Variants in FOLH1 observed in about 807,000 individuals in gnomAD.
The protein encoded by FOLH1 is folate hydrolase 1, also known as glutamate carboxypeptidase 2.
A neutral mutation model predicts 93.9 loss-of-function variants in FOLH1; 54 were observed. The observed-to-expected ratio is 0.57, with a 90% CI of 0.46 to 0.72. The LOEUF is 0.72. Among genes scored for constraint, FOLH1 ranks in the 30% least tolerant of loss-of-function variants. The pLI is 0.00. For synonymous variants in FOLH1, 249 were observed against 303.6 expected (o/e 0.82, Z 1.87); for missense variants, 571 against 892.5 (o/e 0.64, Z 4.59).
chr11:49,205,846 G>T (rs1216165581), intron 2 of FOLH1, among the ~76,000 whole-genome samples: 1 of 152,202 alleles, frequency 6.6e-6, no homozygotes, highest in African/African-American at 2.4e-5. Flanking sequence ...ACAAAGGCTG[G>T]TCCTTGTACA....
At chr11:49,152,802 A>G (rs933492403) in intron 17 of FOLH1, among the ~76,000 whole-genome samples, 36 of 152,178 alleles carry the variant, frequency 2.4e-4, no homozygotes, top group African/African-American at 8.4e-4. Flanking sequence ...TCATTTCCCC[A>G]TTGCTTCTAA....
chr11:49,156,631 T>C, intron 15 of FOLH1, 86 bp downstream of exon 15: 2 of 1,370,490 alleles, frequency 1.5e-6, no homozygotes, highest in Non-Finnish European at 2.1e-6. Context: ...ATTCCTCTAA[T>C]GCTTGAGTCA....
intron 1 of FOLH1, 129 bp from the exon 2 acceptor site, chr11:49,206,301 T>G (rs1306781866): frequency 2.1e-6 from 3 of 1,396,184 alleles, no homozygotes; most frequent in Non-Finnish European, 2.9e-6. Context: ...GGTGAGATAT[T>G]TCTGAATTTT....
At chr11:49,174,576 A>AT (rs200800314) in intron 9 of FOLH1, among the ~76,000 whole-genome samples, 1 of 151,764 alleles carries the variant, frequency 6.6e-6, no homozygotes, top group African/African-American at 2.4e-5. Context: ...GTAAAAAAAA[A>AT]TTCAGAAAAC....
intron 18 of FOLH1, 58 bp from the exon 19 acceptor site, chr11:49,147,003 C>G: frequency 6.4e-7 from 1 of 1,550,444 alleles, no homozygotes; most frequent in Non-Finnish European, 8.7e-7. Context: ...AAGAGAAACA[C>G]AAGAGCACTC....
chr11:49,196,934 G>C (rs1442889363), intron 3 of FOLH1, among the ~76,000 whole-genome samples: 1 of 152,070 alleles, frequency 6.6e-6, no homozygotes, highest in African/African-American at 2.4e-5. Context: ...AGGGGATCTG[G>C]GCAGATTTTA....
intron 17 of FOLH1, among the ~76,000 whole-genome samples, chr11:49,149,426 C>G (rs1353062390): frequency 6.6e-6 from 1 of 151,954 alleles, no homozygotes; most frequent in Non-Finnish European, 1.5e-5. Flanking sequence ...GTTAGCTGCC[C>G]CCAGTATAAC....
chr11:49,186,538 A>G (rs1437373904), intron 5 of FOLH1, 106 bp downstream of exon 5: 2 of 1,307,068 alleles, frequency 1.5e-6, no homozygotes, highest in Non-Finnish European at 2.1e-6. Context: ...GAATACAAGA[A>G]AATAATGGTA....
chr11:49,158,154 G>T, intron 13 of FOLH1, 111 bp from the exon 14 acceptor site: 2 of 865,746 alleles, frequency 2.3e-6, no homozygotes, highest in Non-Finnish European at 3.4e-6. Flanking sequence ...AAAAACAAGG[G>T]ATGCTATCCA....
rs901912481 is a variant in FOLH1, at chr11:49,145,251, G to T, written c.*1505C>A. On this transcript the variant is annotated 3_prime_UTR_variant, in exon 19 of 19. Transcript: ENST00000256999. ...TGATGTTAAACTTTGTGAGTAGAAG[G>T]CATTGGAGAGATGTTCCAAGAGGGT... 7.9e-5 allele frequency among the ~76,000 whole-genome samples: 12 copies of T among 152,064 alleles called. No homozygotes were observed. The highest frequency in any genetic ancestry group is 2.4e-4 in the African/African-American group (10 of 41,404).
chr11:49,174,815 T>C (rs1859802502), intron 9 of FOLH1, 77 bp downstream of exon 9: 1 of 1,196,308 alleles, frequency 8.4e-7, no homozygotes, highest in Non-Finnish European at 1.2e-6. Flanking sequence ...TGATTCACTT[T>C]GCACTCCCAG....
intron 7 of FOLH1, among the ~76,000 whole-genome samples, chr11:49,180,485 T>G (rs1860590597): frequency 6.6e-6 from 1 of 152,230 alleles, no homozygotes; most frequent in South Asian, 2.1e-4. Flanking sequence ...TTATTTAAGT[T>G]CTCAGCATTC....
chr11:49,147,446 GT>G (rs35148842), intron 18 of FOLH1, among the ~76,000 whole-genome samples: 134,024 of 150,766 alleles, frequency 0.89, 59,563 homozygotes, highest in South Asian at 0.95. Flanking sequence ...CTCTATTGTG[GT>G]TTTTTTTTTG....
At chr11:49,174,079 T>C (rs2135099001) in intron 9 of FOLH1, among the ~76,000 whole-genome samples, 1 of 152,298 alleles carries the variant, frequency 6.6e-6, no homozygotes, top group South Asian at 2.1e-4. Flanking sequence ...GTCAGTTGTT[T>C]GTCTTGGGTC....
intron 13 of FOLH1, among the ~76,000 whole-genome samples, chr11:49,158,307 T>A (rs1185405874): frequency 6.6e-6 from 1 of 152,166 alleles, no homozygotes; most frequent in Non-Finnish European, 1.5e-5. Flanking sequence ...ACCAAGCCAT[T>A]GTCTTTAGAT....
chr11:49,198,507 A>G (rs1862907018), intron 3 of FOLH1, among the ~76,000 whole-genome samples: 1 of 151,894 alleles, frequency 6.6e-6, no homozygotes, highest in Non-Finnish European at 1.5e-5. Context: ...AAAAACTAAA[A>G]TATATTATAT....
intron 14 of FOLH1, 118 bp downstream of exon 14, chr11:49,157,834 A>G (rs1857187373): frequency 2.2e-6 from 2 of 916,128 alleles, no homozygotes; most frequent in African/African-American, 3.4e-5. Context: ...GCTTTTCTTT[A>G]TCAGATTTTA....
intron 1 of FOLH1, chr11:49,207,864 T>C (rs1864143496): frequency 2.2e-6 from 1 of 459,156 alleles, no homozygotes; most frequent in Non-Finnish European, 4.4e-6. Flanking sequence ...TCCAGATTGC[T>C]GACCTGGTTC....
chr11:49,186,760 C>T lies in FOLH1; in HGVS notation c.523G>A (p.Val175Met). ...TCAGTTCGTGCATAGTTAACATACA[C>T]TAGATCGCCCTGTTGAGATCGGGAA... ...SPQGMPEGDL[V>M]YVNYARTEDF... The change falls in exon 5 of 19, where the codon GTG (valine) becomes ATG (methionine). Residue 175 changes from valine (V) to methionine (M), a missense_variant. By Grantham distance (21) the Val-to-Met change is conservative. Transcript: ENST00000256999. 1 of 1,608,434 alleles carries T rather than the reference C, an allele frequency of 6.2e-7. No homozygotes were observed.
Sources: gnomAD v4.1 joint callset for allele counts (sites outside exome capture counted in the v4.1 genomes callset) on GRCh38, gnomAD v4.1.1 for gene constraint, MANE v1.5 for transcripts, NCBI Gene and HGNC (gene_info 2026-07-23, HGNC 2026-07-21) for gene names.